GPD2: variants seen among roughly 807,000 people sequenced by gnomAD.
GPD2 encodes the protein glycerol-3-phosphate dehydrogenase 2.
GPD2 carries 54 observed loss-of-function variants against 82.4 expected under a neutral mutation model. The observed-to-expected ratio is 0.66, with a 90% CI of 0.53 to 0.82. The LOEUF (loss-of-function observed/expected upper bound fraction) is 0.82, where lower values mean the gene tolerates loss of function less well. Ranked by LOEUF, GPD2 falls within the 40% of genes least tolerant of loss-of-function variation. GPD2 has a pLI of 0.00. For missense variants in GPD2, 748 were observed against 896.2 expected (o/e 0.83, Z 2.11); for synonymous variants, 288 against 306.1 (o/e 0.94, Z 0.62).
chr2:156,530,801 A>G (rs529380573), intron 6 of GPD2, among the ~76,000 whole-genome samples: 1 of 152,286 alleles, frequency 6.6e-6, no homozygotes, highest in Admixed American at 6.5e-5. Flanking sequence ...ATGGTGGATA[A>G]GCTTTTCGAT....
intron 1 of GPD2, among the ~76,000 whole-genome samples, chr2:156,464,892 C>T (rs971781848): frequency 2.6e-5 from 4 of 151,678 alleles, no homozygotes; most frequent in Non-Finnish European, 4.4e-5. Flanking sequence ...GCTTTGTTGC[C>T]CAGGCTGGTG....
chr2:156,420,935 T>A, the GPD2 span, among the ~76,000 whole-genome samples: 1 of 152,226 alleles, frequency 6.6e-6, no homozygotes, highest in Non-Finnish European at 1.5e-5. Context: ...GGATGGGACC[T>A]GTATTTTTCA....
At chr2:156,484,880 T>G (rs570200787) in intron 2 of GPD2, among the ~76,000 whole-genome samples, 9 of 152,120 alleles carry the variant, frequency 5.9e-5, no homozygotes, top group African/African-American at 2.2e-4. Flanking sequence ...ACCCAATTCT[T>G]TCCTTGAGCA....
In GPD2 at chr2:156,585,128, G is replaced by A. The variant is rs113552464; in HGVS notation, c.*2210G>A. On this transcript the variant is annotated 3_prime_UTR_variant, in exon 17 of 17. Transcript: ENST00000438166. ...AATCCCAGAGACTCAATTTGGAAAT[G>A]AACTGATTTCAAGCCGTTACTGTGA... The A allele has an allele frequency of 6.6e-5, 10 of 152,064 alleles. No homozygotes were observed. The highest frequency in any genetic ancestry group is 1.2e-4 in the Non-Finnish European group (8 of 67,926). The allele number at this position is 152,064 out of a possible 1,614,324, so 9.4% of individuals were successfully genotyped here.
Position 156,512,324 on chromosome 2 carries a change from C to CT in GPD2, c.497+11dup. Reference sequence around the variant, plus strand: ...TAATGCTTCCAGTTTACAAGTAAGCCTTTTGATATCACCTGTATGCATTTG... The same window carrying CT: ...TAATGCTTCCAGTTTACAAGTAAGCCTTTTTGATATCACCTGTATGCATTTG... On this transcript the variant is annotated splice_region_variant and intron_variant, in intron 5 of 16. Transcript: ENST00000438166. 1 of 1,335,546 alleles carries CT rather than the reference C, an allele frequency of 7.5e-7. No homozygotes were observed. The highest frequency in any genetic ancestry group is 1.1e-6 in the Non-Finnish European group (1 of 925,594). The allele number at this position is 1,335,546 out of a possible 1,614,324, so 82.7% of individuals were successfully genotyped here. A position where few individuals can be genotyped will look rare whatever the true frequency, so the allele number is the denominator to read the frequency against.
At chr2:156,508,835 A>G (rs1684879364) in intron 3 of GPD2, among the ~76,000 whole-genome samples, 1 of 152,164 alleles carries the variant, frequency 6.6e-6, no homozygotes, top group Non-Finnish European at 1.5e-5. Flanking sequence ...TTGCAGATTT[A>G]ATTTTTCTGG....
the GPD2 span, among the ~76,000 whole-genome samples, chr2:156,421,153 C>T: frequency 2.0e-5 from 3 of 152,232 alleles, 1 homozygote; most frequent in South Asian, 6.2e-4. Flanking sequence ...AGGAACCACC[C>T]TTTGAGTAGC....
At chr2:156,544,474 T>C (rs1199676347) in intron 6 of GPD2, among the ~76,000 whole-genome samples, 1 of 152,174 alleles carries the variant, frequency 6.6e-6, no homozygotes, top group Admixed American at 6.5e-5. Context: ...GGTGAAGGAT[T>C]GGGACAATTT....
chr2:156,472,062 A>G (rs1683348851), intron 1 of GPD2, among the ~76,000 whole-genome samples: 1 of 152,158 alleles, frequency 6.6e-6, no homozygotes, highest in South Asian at 2.1e-4. Flanking sequence ...AGCTAATTCT[A>G]TTTTTTAAAA....
intron 2 of GPD2, among the ~76,000 whole-genome samples, chr2:156,494,641 T>A (rs532452341): frequency 6.6e-6 from 1 of 152,238 alleles, no homozygotes; most frequent in African/African-American, 2.4e-5. Context: ...TGGTAACGCC[T>A]GAGATTACCT....
At chr2:156,514,445 A>G (rs1006994932) in intron 6 of GPD2, among the ~76,000 whole-genome samples, 2 of 150,732 alleles carry the variant, frequency 1.3e-5, no homozygotes, top group African/African-American at 4.9e-5. Flanking sequence ...TCTATCTAGT[A>G]TTAGATATCT....
At chr2:156,408,693 T>C in the GPD2 span, among the ~76,000 whole-genome samples, 1 of 148,392 alleles carries the variant, frequency 6.7e-6, no homozygotes, top group African/African-American at 2.5e-5. Flanking sequence ...TGAGCTGTGA[T>C]TGCCCCACTG....
chr2:156,555,901 G>A (rs1686943947), intron 8 of GPD2, among the ~76,000 whole-genome samples: 2 of 152,200 alleles, frequency 1.3e-5, no homozygotes, highest in South Asian at 2.1e-4. Flanking sequence ...TACTCTCTCC[G>A]ATGTGTCTCA....
At chr2:156,416,491 G>A in the GPD2 span, among the ~76,000 whole-genome samples, 1 of 150,034 alleles carries the variant, frequency 6.7e-6, no homozygotes, top group Non-Finnish European at 1.5e-5. Context: ...AGGACTACAG[G>A]CATGAGTCAT....
rs756216370 is a variant in GPD2 at position 156,583,833 on chromosome 2, T to C, written c.*915T>C. On this transcript the variant is annotated 3_prime_UTR_variant, in exon 17 of 17. Transcript: ENST00000438166. Reference sequence around the variant, plus strand: ...TTTAAGAGTTAAAAATGTGTTTTTATATATCCACATATGATAACAAAAGAT... The same window carrying C: ...TTTAAGAGTTAAAAATGTGTTTTTACATATCCACATATGATAACAAAAGAT... 3.0e-4 allele frequency: 46 copies of C among 152,524 alleles called. No individual in the cohort carries two copies. Among genetic ancestry groups the C allele is most frequent in the Admixed American group, 3.9e-4 (6 of 15,228 alleles). The allele number at this position is 152,524 out of a possible 1,614,324, so 9.4% of individuals were successfully genotyped here. A position where few individuals can be genotyped will look rare whatever the true frequency, so the allele number is the denominator to read the frequency against.
rs1426927912 is a variant in GPD2, at chr2:156,583,341, GATCA to G, written c.*424_*427del. The G allele has an allele frequency of 4.3e-6, 1 of 231,916 alleles. No homozygotes were observed. Among genetic ancestry groups the G allele is most frequent in the Non-Finnish European group, 8.7e-6 (1 of 115,330 alleles). The allele number at this position is 231,916 out of a possible 1,614,324, so 14.4% of individuals were successfully genotyped here. On this transcript the variant is annotated 3_prime_UTR_variant, in exon 17 of 17. Transcript: ENST00000438166. ...ATTAAAAAGAGTTGCCTATTGAAAT[GATCA>G]TGTTTCTGGAGAAATTAAGCTTATA...
At chr2:156,462,718 G>A (rs897839743) in intron 1 of GPD2, among the ~76,000 whole-genome samples, 1 of 151,870 alleles carries the variant, frequency 6.6e-6, no homozygotes, top group South Asian at 2.1e-4. Flanking sequence ...AAAAGAAGGG[G>A]GTAAAAAGAT....
At chr2:156,556,323 C>T (rs995692929) in intron 8 of GPD2, among the ~76,000 whole-genome samples, 1 of 152,144 alleles carries the variant, frequency 6.6e-6, no homozygotes, top group Non-Finnish European at 1.5e-5. Flanking sequence ...TGGCTTGATA[C>T]AAGAATCCAG....
the GPD2 span, among the ~76,000 whole-genome samples, chr2:156,418,001 G>T: frequency 6.6e-6 from 1 of 152,076 alleles, no homozygotes; most frequent in East Asian, 1.9e-4. Flanking sequence ...CGGATCACGA[G>T]GTCAGGAGTT....
Sources: allele counts gnomAD v4.1 joint callset (sites outside exome capture counted in the v4.1 genomes callset), GRCh38; gene constraint gnomAD v4.1.1; transcripts MANE v1.5; gene names NCBI Gene and HGNC (gene_info 2026-07-23, HGNC 2026-07-21).